Variants in PCDHGA7 observed in about 807,000 individuals in gnomAD.
PCDHGA7 encodes protocadherin gamma subfamily A, 7.
In PCDHGA7, 44 loss-of-function variants were observed where a neutral mutation model predicts 58.3. The ratio of observed to expected loss-of-function variants is 0.75; its 90% confidence interval spans 0.59 to 0.97. The LOEUF (loss-of-function observed/expected upper bound fraction) is 0.97, where lower values mean the gene tolerates loss of function less well. Ranked by LOEUF, PCDHGA7 falls within the 50% of genes least tolerant of loss-of-function variation. The pLI, the probability that PCDHGA7 is intolerant of heterozygous loss-of-function variation, is 0.00. For missense variants in PCDHGA7, 1,266 were observed against 1,188.7 expected (o/e 1.06, Z -0.96); for synonymous variants, 516 against 504.2 (o/e 1.02, Z -0.31).
At chr5:141,480,046 A>G (rs919527311) in intron 1 of PCDHGA7, among the ~76,000 whole-genome samples, 1 of 152,206 alleles carries the variant, frequency 6.6e-6, no homozygotes, top group Non-Finnish European at 1.5e-5. Context: ...ATATGCAAAA[A>G]GGGAATAATA....
In PCDHGA7 at chr5:141,383,312, T is replaced by C. The variant is rs1271523069; in HGVS notation, c.413T>C (p.Ile138Thr). The change falls in exon 1 of 4, where the codon ATA becomes ACA. Residue 138 changes from isoleucine (I) to threonine (T), a missense_variant. Ile to Thr is a moderately conservative substitution (Grantham distance 89). Transcript: ENST00000518325. ...GTTCCAAGATTCTTGACGGAAGAAA[T>C]AAATGTAAAAATAATGGAGAATACA... is the stretch of plus-strand genomic sequence containing the variant. ...DNVPRFLTEE[I>T]NVKIMENTAP... 6.2e-7 allele frequency: 1 copy of C among 1,613,832 alleles called. No homozygotes were observed. Among genetic ancestry groups the C allele is most frequent in the Admixed American group, 1.7e-5 (1 of 60,014 alleles).
intron 1 of PCDHGA7, chr5:141,408,110 T>G: frequency 2.8e-6 from 4 of 1,445,204 alleles, no homozygotes; most frequent in Non-Finnish European, 2.7e-6. Context: ...GACCCGGGAC[T>G]CCTCCTGTCC....
Position 141,469,573 on chromosome 5 carries a change from C to CTAAA in PCDHGA7, c.2425-25217_2425-25214dup, listed in dbSNP as rs1209972534. Among the ~76,000 whole-genome samples the CTAAA allele has an allele frequency of 1.4e-4, 21 of 151,674 alleles. No individual in the cohort carries two copies. In the East Asian group the frequency reaches 2.3e-3, roughly 17 times the overall value. On this transcript the variant is annotated intron_variant, in intron 1 of 3. Coordinates refer to ENST00000518325, the MANE Select transcript of PCDHGA7 (RefSeq NM_018920.4). ...CTGGCGACAGAGTGAGACTCTGTCT[C>CTAAA]TAAATAAATAAATAAATAAAACAAA...
chr5:141,505,557 A>C (rs2099846692), intron 3 of PCDHGA7, 76 bp downstream of exon 3: 1 of 1,606,080 alleles, frequency 6.2e-7, no homozygotes, highest in Non-Finnish European at 8.5e-7. Flanking sequence ...CACCATGCCC[A>C]CGGACTGGAT....
intron 1 of PCDHGA7, among the ~76,000 whole-genome samples, chr5:141,484,675 T>C (rs1179759392): frequency 6.6e-6 from 1 of 152,042 alleles, no homozygotes; most frequent in African/African-American, 2.4e-5. Context: ...GGGCCGCAGG[T>C]TGCTAGGGCT....
rs765690531 is a variant in PCDHGA7, at chr5:141,404,329, C to T, written c.2424+19006C>T. 6.8e-5 allele frequency: 110 copies of T among 1,613,772 alleles called. No homozygotes were observed. The East Asian group carries it at 2.4e-3, about 36-fold the overall frequency. On this transcript the variant is annotated intron_variant, in intron 1 of 3. Coordinates refer to ENST00000518325, the MANE Select transcript of PCDHGA7 (RefSeq NM_018920.4). ...CTTTCTCTCAAGCCTCCTACTCAGTCTACCTCCCGGAAAACAACGCCAGAG... is the reference window on the plus strand; with the variant it reads ...CTTTCTCTCAAGCCTCCTACTCAGTTTACCTCCCGGAAAACAACGCCAGAG...
intron 1 of PCDHGA7, among the ~76,000 whole-genome samples, chr5:141,443,477 C>T (rs1279226136): frequency 6.6e-6 from 1 of 152,116 alleles, no homozygotes; most frequent in Non-Finnish European, 1.5e-5. Flanking sequence ...CAGAATTAGA[C>T]CCTGTCCCAA....
At chr5:141,443,166 C>G (rs914863821) in intron 1 of PCDHGA7, among the ~76,000 whole-genome samples, 1 of 152,124 alleles carries the variant, frequency 6.6e-6, no homozygotes, top group African/African-American at 2.4e-5. Flanking sequence ...ATTTCCCTAC[C>G]CATGTCCACT....
chr5:141,419,621 G>T, intron 1 of PCDHGA7: 2 of 1,612,306 alleles, frequency 1.2e-6, no homozygotes, highest in Non-Finnish European at 1.7e-6. Context: ...AGGCTACCTG[G>T]TGACCAAGGT....
intron 2 of PCDHGA7, among the ~76,000 whole-genome samples, chr5:141,496,582 G>A (rs991035985): frequency 1.9e-4 from 29 of 152,100 alleles, no homozygotes; most frequent in Non-Finnish European, 3.5e-4. Flanking sequence ...TTTTAGGAAC[G>A]CAAAGCGCTT....
chr5:141,451,299 A>T (rs1016384424), intron 1 of PCDHGA7, among the ~76,000 whole-genome samples: 17 of 152,228 alleles, frequency 1.1e-4, no homozygotes, highest in African/African-American at 3.4e-4. Flanking sequence ...AAAGTCTTAC[A>T]AGGCAGCAAT....
Position 141,383,152 on chromosome 5 carries a change from G to T in PCDHGA7, c.253G>T (p.Val85Phe), listed in dbSNP as rs200500982. ...CCTGAACCAGCGCAGCGGCAGCTTG[G>T]TCACTGCGGGCAGGATAGACCGGGA... ...FALNQRSGSLVTAGRIDREEI... is the reference protein window; with the variant it reads ...FALNQRSGSLFTAGRIDREEI... Residue 85 changes from valine (V) to phenylalanine (F), a missense_variant, in exon 1 of 4, where the codon GTC becomes TTC. Val to Phe is a conservative substitution (Grantham distance 50). Coordinates refer to ENST00000518325, the MANE Select transcript of PCDHGA7 (RefSeq NM_018920.4). 3.1e-6 allele frequency: 5 copies of T among 1,614,006 alleles called. No homozygotes were observed. In the African/African-American group the frequency reaches 6.7e-5, roughly 22 times the overall value.
chr5:141,451,069 C>G (rs2098705799), intron 1 of PCDHGA7, among the ~76,000 whole-genome samples: 1 of 151,836 alleles, frequency 6.6e-6, no homozygotes, highest in Non-Finnish European at 1.5e-5. Flanking sequence ...ACCTTGTGAT[C>G]CACCCACCTT....
At chr5:141,473,919 A>G (rs2099331297) in intron 1 of PCDHGA7, among the ~76,000 whole-genome samples, 1 of 152,172 alleles carries the variant, frequency 6.6e-6, no homozygotes, top group African/African-American at 2.4e-5. Flanking sequence ...TAAGAAAACT[A>G]TGAGCTGGGT....
At chr5:141,419,378 G>A in intron 1 of PCDHGA7, 3 of 1,613,710 alleles carry the variant, frequency 1.9e-6, no homozygotes, top group Non-Finnish European at 2.5e-6. Context: ...CTACGTGTCC[G>A]TGAGCGCGCA....
At chr5:141,418,530 G>T in intron 1 of PCDHGA7, 6 of 1,613,952 alleles carry the variant, frequency 3.7e-6, no homozygotes, top group Non-Finnish European at 5.1e-6. Flanking sequence ...CCCCGAAGCG[G>T]TACTGCTCAG....
chr5:141,408,555 A>G, intron 1 of PCDHGA7: 1 of 1,614,052 alleles, frequency 6.2e-7, no homozygotes, highest in South Asian at 1.1e-5. Flanking sequence ...AATATTTTTC[A>G]TGTCATTGTG....
At chr5:141,389,349 A>G in intron 1 of PCDHGA7, 1 of 1,613,980 alleles carries the variant, frequency 6.2e-7, no homozygotes, top group South Asian at 1.1e-5. Context: ...CTCTTACTGC[A>G]TCATGGCCAG....
chr5:141,403,384 A>C lies in PCDHGA7; in HGVS notation c.2424+18061A>C, dbSNP rs201959000. 4.4e-4 allele frequency: 703 copies of C among 1,614,030 alleles called. No homozygotes were observed. Among genetic ancestry groups the C allele is most frequent in the Non-Finnish European group, 5.5e-4 (652 of 1,179,890 alleles). ...AAAGTCTGGAAGTAAAAATTAACGA[A>C]ATCGCGGTTCCTGGAGCACGTTATC... On this transcript the variant is annotated intron_variant, in intron 1 of 3. Coordinates refer to ENST00000518325, the MANE Select transcript of PCDHGA7 (RefSeq NM_018920.4).
Sources: allele counts gnomAD v4.1 joint callset (sites outside exome capture counted in the v4.1 genomes callset), GRCh38; gene constraint gnomAD v4.1.1; transcripts MANE v1.5; gene names NCBI Gene and HGNC (gene_info 2026-07-23, HGNC 2026-07-21).